UAP1: variants seen among roughly 807,000 people sequenced by gnomAD.
The protein encoded by UAP1 is UDP-N-acetylglucosamine pyrophosphorylase 1.
In UAP1, 25 loss-of-function variants were observed where a neutral mutation model predicts 58.5. The observed-to-expected ratio is 0.43, with a 90% CI of 0.31 to 0.60. The LOEUF is 0.60. Among genes scored for constraint, UAP1 ranks in the 20% least tolerant of loss-of-function variants. The pLI, the probability that UAP1 is intolerant of heterozygous loss-of-function variation, is 0.11. For missense variants in UAP1, 575 were observed against 630.0 expected, an observed-to-expected ratio of 0.91 and a Z score of 0.93; for synonymous variants, 208 against 213.0, an observed-to-expected ratio of 0.98 and a Z score of 0.21.
intron 4 of UAP1, among the ~76,000 whole-genome samples, 169 bp downstream of exon 4, chr1:162,579,772 G>A (rs1199240921): frequency 6.6e-6 from 1 of 152,172 alleles, no homozygotes; most frequent in African/African-American, 2.4e-5. Flanking sequence ...TGGTGTAATG[G>A]ATACACTTTT....
intron 9 of UAP1, among the ~76,000 whole-genome samples, chr1:162,594,769 C>A (rs1169165388): frequency 6.6e-6 from 1 of 152,160 alleles, no homozygotes; most frequent in Non-Finnish European, 1.5e-5. Context: ...AAACATTATT[C>A]TTACTCTTTT....
intron 7 of UAP1, among the ~76,000 whole-genome samples, chr1:162,589,218 ATATT>A (rs1355585958): frequency 2.1e-5 from 2 of 95,204 alleles, no homozygotes; most frequent in African/African-American, 8.4e-5. Context: ...AATATATATA[ATATT>A]TATATATTAT....
At chr1:162,600,143 A>G (rs1419485477), downstream of UAP1, among the ~76,000 whole-genome samples, 2 of 152,236 alleles carry the variant, frequency 1.3e-5, no homozygotes, top group East Asian at 1.9e-4. Context: ...ATGTCACTAA[A>G]CATCCTACAA....
chr1:162,585,423 A>AT (rs1187473631), intron 5 of UAP1, among the ~76,000 whole-genome samples: 1,613 of 146,586 alleles, frequency 0.011, 21 homozygotes, highest in African/African-American at 0.038. Flanking sequence ...TGCCTGGCTA[A>AT]TTTTTTTTTT....
exon 3 of UAP1, chr1:162,576,899 C>G (rs1654220369): frequency 6.2e-7 from 1 of 1,614,030 alleles, no homozygotes; most frequent in South Asian, 1.1e-5. Flanking sequence ...CCGTAAGACA[C>G]TTTTTCAGAT....
exon 2 of UAP1, chr1:162,566,322 A>G (rs1481901354): frequency 7.4e-6 from 12 of 1,614,100 alleles, no homozygotes; most frequent in South Asian, 1.1e-5. Flanking sequence ...AGGGATCAAG[A>G]TCAGCTCCAG....
chr1:162,582,866 A>T (rs1654675896), intron 5 of UAP1, among the ~76,000 whole-genome samples: 1 of 152,216 alleles, frequency 6.6e-6, no homozygotes, highest in Non-Finnish European at 1.5e-5. Context: ...ACAAGTTTTG[A>T]GAGATTAAGC....
intron 8 of UAP1, among the ~76,000 whole-genome samples, chr1:162,591,477 GT>G (rs1381909214): frequency 6.6e-6 from 1 of 151,938 alleles, no homozygotes; most frequent in African/African-American, 2.4e-5. Flanking sequence ...AGCTAAATCT[GT>G]TTTTTTGTTT....
intron 2 of UAP1, 25 bp from the exon 3 acceptor site, chr1:162,576,752 G>A (rs906093965): frequency 1.9e-6 from 3 of 1,601,992 alleles, no homozygotes; most frequent in Admixed American, 1.7e-5. Flanking sequence ...TAGAGGTTTT[G>A]TGATACAAGT....
chr1:162,571,092 CTTT>C (rs201314469), intron 2 of UAP1, among the ~76,000 whole-genome samples: 1 of 124,466 alleles, frequency 8.0e-6, no homozygotes. Context: ...GTCTGGCTTT[CTTT>C]TTTTTTTTTT....
At chr1:162,585,450 T>C (rs955860793) in intron 5 of UAP1, among the ~76,000 whole-genome samples, 1 of 150,164 alleles carries the variant, frequency 6.7e-6, no homozygotes, top group African/African-American at 2.5e-5. Flanking sequence ...TCAGTAGAGA[T>C]GGGGTTTCAC....
At position 162,576,823 on chromosome 1, in the gene UAP1, T is replaced by G; in HGVS notation, c.327T>G (p.Ala109=). The G allele has an allele frequency of 2.5e-6, 4 of 1,614,218 alleles. No individual in the cohort carries two copies. In the South Asian group the frequency reaches 4.4e-5, roughly 18 times the overall value. Residue 109 remains alanine, a synonymous_variant, in exon 3 of 11, where the codon GCT becomes GCG. Transcript: ENST00000271469. ...ATAAAGTAGCAGTTCTTCTTCTAGC[T>G]GGTGGGCAGGGGACAAGACTCGGCG...
chr1:162,579,403 A>G, intron 3 of UAP1, 25 bp from the exon 4 acceptor site: 1 of 1,458,892 alleles, frequency 6.9e-7, no homozygotes, highest in East Asian at 2.4e-5. Flanking sequence ...ACGGTTGCTT[A>G]GAAGATCTGA....
At chr1:162,576,652 C>A (rs940005056) in intron 2 of UAP1, 125 bp from the exon 3 acceptor site, 14 of 868,678 alleles carry the variant, frequency 1.6e-5, no homozygotes, top group Non-Finnish European at 2.3e-5. Flanking sequence ...CAGCAAATGG[C>A]CTCAGGACAA....
chr1:162,579,225 C>T (rs1473080560), intron 3 of UAP1, among the ~76,000 whole-genome samples: 7 of 152,062 alleles, frequency 4.6e-5, no homozygotes, highest in South Asian at 2.1e-4. Context: ...TTATTTCATA[C>T]GTAAGAGTTG....
At chr1:162,572,352 A>G (rs565976656) in intron 2 of UAP1, among the ~76,000 whole-genome samples, 2 of 152,344 alleles carry the variant, frequency 1.3e-5, no homozygotes, top group South Asian at 4.1e-4. Context: ...AGGAAGAGAA[A>G]AGTTTATACA....
chr1:162,579,493 T>G (rs1432896512), exon 4 of UAP1: 3 of 1,611,908 alleles, frequency 1.9e-6, no homozygotes, highest in African/African-American at 1.3e-5. Flanking sequence ...CACAAGTACT[T>G]TGGTTTAAAA....
downstream of UAP1, among the ~76,000 whole-genome samples, chr1:162,600,411 T>C (rs536285589): frequency 3.9e-5 from 6 of 152,292 alleles, no homozygotes; most frequent in African/African-American, 1.4e-4. Context: ...CCATAGATCA[T>C]TGGTCATTAG....
At chr1:162,589,288 A>G (rs969790222) in intron 7 of UAP1, among the ~76,000 whole-genome samples, 1 of 131,654 alleles carries the variant, frequency 7.6e-6, no homozygotes, top group Non-Finnish European at 1.6e-5. Flanking sequence ...ATATAAATAT[A>G]TATTGTTTAT....
Sources: allele counts gnomAD v4.1 joint callset (sites outside exome capture counted in the v4.1 genomes callset), GRCh38; gene constraint gnomAD v4.1.1; transcripts MANE v1.5; gene names NCBI Gene and HGNC (gene_info 2026-07-23, HGNC 2026-07-21).